Variants in NELL1 observed in about 807,000 individuals in gnomAD.
The protein encoded by NELL1 is neural EGFL like 1.
A neutral mutation model predicts 107.4 loss-of-function variants in NELL1; 76 were observed. The ratio of observed to expected loss-of-function variants is 0.71; its 90% CI spans 0.59 to 0.86. NELL1 has a LOEUF of 0.86. Among genes scored for constraint, NELL1 ranks in the 40% least tolerant of loss-of-function variants. The probability of loss-of-function intolerance (pLI) is 0.00; values close to 1 mark genes in which losing one functional copy is unlikely to be tolerated. For synonymous variants in NELL1, 353 were observed against 341.2 expected (o/e 1.03, Z -0.38); for missense variants, 1,024 against 1,005.5 (o/e 1.02, Z -0.25).
intron 15 of NELL1, among the ~76,000 whole-genome samples, chr11:21,521,034 C>A (rs145112149): frequency 2.2e-4 from 33 of 152,284 alleles, no homozygotes; most frequent in Middle Eastern, 6.8e-3. Flanking sequence ...GGGGTAGGAC[C>A]AGATGTAGGG....
At chr11:20,944,844 G>A (rs1310089356) in intron 10 of NELL1, among the ~76,000 whole-genome samples, 1 of 152,084 alleles carries the variant, frequency 6.6e-6, no homozygotes, top group Admixed American at 6.6e-5. Flanking sequence ...ATATGTTAAA[G>A]GTTGATTAGA....
chr11:20,756,583 G>A (rs1475133410), intron 2 of NELL1, among the ~76,000 whole-genome samples: 2 of 144,408 alleles, frequency 1.4e-5, no homozygotes, highest in Non-Finnish European at 1.5e-5. Flanking sequence ...GGATGGTCTG[G>A]ATCTCCTGAC....
Position 21,093,722 on chromosome 11 carries a change from A to T in NELL1, c.1301-19867A>T, listed in dbSNP as rs117143533. On this transcript the variant is annotated intron_variant, in intron 12 of 19. Coordinates refer to ENST00000357134, the MANE Select transcript of NELL1 (RefSeq NM_006157.5). The stretch of plus-strand genomic sequence containing the variant: ...TGGATGGCAGCAGGCAAAAAGAGAG[A>T]GCTTGTGCAGTGGAACTTCTGTTTT... Among the ~76,000 whole-genome samples, 27 of 152,280 alleles carry T rather than the reference A, an allele frequency of 1.8e-4. 1 individual carries two copies. In the East Asian group the frequency reaches 5.0e-3, roughly 28 times the overall value.
At chr11:21,112,287 T>C (rs1855125724) in intron 12 of NELL1, among the ~76,000 whole-genome samples, 1 of 152,222 alleles carries the variant, frequency 6.6e-6, no homozygotes, top group South Asian at 2.1e-4. Context: ...TCTGATGTTA[T>C]TTCAATATAT....
At chr11:21,132,909 A>C (rs1057291262) in intron 13 of NELL1, among the ~76,000 whole-genome samples, 1 of 152,152 alleles carries the variant, frequency 6.6e-6, no homozygotes. Context: ...TATGCAGAAA[A>C]CTGGAGGGTG....
In NELL1 at chr11:20,960,579, G is replaced by A. The variant is rs202201350; in HGVS notation, c.1300+19G>A. 5.1e-4 allele frequency: 821 copies of A among 1,613,330 alleles called. 6 individuals carry two copies. In the African/African-American group the frequency reaches 9.6e-3, roughly 19 times the overall value. On this transcript the variant is annotated intron_variant, in intron 12 of 19. Coordinates refer to ENST00000357134, the MANE Select transcript of NELL1 (RefSeq NM_006157.5). ...TGTGAAGGTAAGTAAGCTATTTAATGAAGTCACTTGTGAGAGGTTGACTGA... is the reference window on the plus strand; with the variant it reads ...TGTGAAGGTAAGTAAGCTATTTAATAAAGTCACTTGTGAGAGGTTGACTGA...
At chr11:20,753,344 C>A (rs776759047) in intron 2 of NELL1, among the ~76,000 whole-genome samples, 5 of 152,126 alleles carry the variant, frequency 3.3e-5, no homozygotes, top group Non-Finnish European at 7.4e-5. Context: ...TGGTAAAATT[C>A]TGAATTAAAG....
At chr11:21,380,040 C>A (rs1345896808) in intron 15 of NELL1, among the ~76,000 whole-genome samples, 1 of 152,082 alleles carries the variant, frequency 6.6e-6, no homozygotes. Context: ...GCAAGGGCAT[C>A]TGGGGGGAGA....
chr11:20,793,200 T>C (rs1458739685), intron 3 of NELL1, among the ~76,000 whole-genome samples: 1 of 152,030 alleles, frequency 6.6e-6, no homozygotes, highest in African/African-American at 2.4e-5. Flanking sequence ...TTTTGTGGTA[T>C]GGTTTCTATC....
chr11:21,425,009 T>C (rs956038012), intron 15 of NELL1, among the ~76,000 whole-genome samples: 4 of 152,194 alleles, frequency 2.6e-5, no homozygotes, highest in Non-Finnish European at 4.4e-5. Flanking sequence ...GTATCACTTA[T>C]GAATGTTAAT....
rs546144896 is a variant in NELL1, at chr11:21,398,273, C to T, written c.1645+27325C>T. 7.3e-5 allele frequency among the ~76,000 whole-genome samples: 11 copies of T among 151,674 alleles called. No homozygotes were observed. In the South Asian group the frequency reaches 2.3e-3, roughly 32 times the overall value. ...ATAGTTCCAAGCATCATTCTCTGAACGTTGGTACAAAGTGTGTCCCCTGAG... is the reference window on the plus strand; with the variant it reads ...ATAGTTCCAAGCATCATTCTCTGAATGTTGGTACAAAGTGTGTCCCCTGAG... On this transcript the variant is annotated intron_variant, in intron 15 of 19. Coordinates refer to ENST00000357134, the MANE Select transcript of NELL1 (RefSeq NM_006157.5).
intron 12 of NELL1, among the ~76,000 whole-genome samples, chr11:20,970,593 G>A (rs2003174): frequency 3.3e-5 from 5 of 152,028 alleles, no homozygotes; most frequent in Admixed American, 2.0e-4. Flanking sequence ...ACATTTGAAC[G>A]GAGTTCTTAA....
intron 14 of NELL1, among the ~76,000 whole-genome samples, chr11:21,276,603 C>G (rs1478051241): frequency 6.6e-6 from 1 of 151,896 alleles, no homozygotes; most frequent in Non-Finnish European, 1.5e-5. Flanking sequence ...AATCCTAAGC[C>G]AAAAGAACAA....
intron 2 of NELL1, among the ~76,000 whole-genome samples, chr11:20,723,732 T>TGGGG (rs35926954): frequency 6.6e-6 from 1 of 150,568 alleles, no homozygotes; most frequent in African/African-American, 2.4e-5. Context: ...GGGGACTCTG[T>TGGGG]GGGGGGGGGC....
chr11:20,909,345 G>T (rs887994630), intron 5 of NELL1, among the ~76,000 whole-genome samples: 1 of 152,146 alleles, frequency 6.6e-6, no homozygotes, highest in African/African-American at 2.4e-5. Context: ...AAACAAAACA[G>T]GTAGCTTGGT....
intron 14 of NELL1, among the ~76,000 whole-genome samples, chr11:21,344,155 C>G (rs1242617100): frequency 6.6e-6 from 1 of 152,154 alleles, no homozygotes; most frequent in Non-Finnish European, 1.5e-5. Flanking sequence ...CTATTGCCCT[C>G]AAATGTTGTG....
At chr11:21,351,399 C>T (rs978469512) in intron 14 of NELL1, among the ~76,000 whole-genome samples, 1 of 151,932 alleles carries the variant, frequency 6.6e-6, no homozygotes, top group Non-Finnish European at 1.5e-5. Context: ...TACAAGGCCT[C>T]CCAGTTCAGG....
intron 16 of NELL1, among the ~76,000 whole-genome samples, chr11:21,548,228 T>C: frequency 6.6e-6 from 1 of 151,936 alleles, no homozygotes; most frequent in Non-Finnish European, 1.5e-5. Context: ...TGTAATGGTT[T>C]TTAGATAGAG....
chr11:20,747,653 A>G (rs182797324), intron 2 of NELL1, among the ~76,000 whole-genome samples: 29 of 152,318 alleles, frequency 1.9e-4, no homozygotes, highest in African/African-American at 6.5e-4. Flanking sequence ...CAATATGTCA[A>G]TCTTGGAAAT....
Sources: allele counts gnomAD v4.1 joint callset (sites outside exome capture counted in the v4.1 genomes callset), GRCh38; gene constraint gnomAD v4.1.1; transcripts MANE v1.5; gene names NCBI Gene and HGNC (gene_info 2026-07-23, HGNC 2026-07-21).